PEX11G: variants seen among roughly 807,000 people sequenced by gnomAD.
The protein encoded by PEX11G is peroxisomal membrane protein 11C.
Under a neutral mutation model 22.5 loss-of-function variants are expected in PEX11G, and 20 were observed. The ratio of observed to expected loss-of-function variants is 0.89; its 90% confidence interval spans 0.62 to 1.29. PEX11G has a LOEUF of 1.29. Ranked by LOEUF, PEX11G falls within the 50% of genes most tolerant of loss-of-function variation. The pLI, the probability that PEX11G is intolerant of heterozygous loss-of-function variation, is 0.00. For synonymous variants in PEX11G, 141 were observed against 154.5 expected, an observed-to-expected ratio of 0.91 and a Z score of 0.65; for missense variants, 347 against 331.3, an observed-to-expected ratio of 1.05 and a Z score of -0.37.
At chr19:7,484,121 G>A (rs949581691) in intron 2 of PEX11G, among the ~76,000 whole-genome samples, 37 of 152,080 alleles carry the variant, frequency 2.4e-4, no homozygotes, top group South Asian at 1.5e-3. Flanking sequence ...TTTGGGAGGC[G>A]GGGCAGGTGG....
At chr19:7,491,344 AC>A (rs2021886950), upstream of PEX11G, among the ~76,000 whole-genome samples, 1 of 139,356 alleles carries the variant, frequency 7.2e-6, no homozygotes, top group Non-Finnish European at 1.5e-5. Flanking sequence ...ATCTCAGCTC[AC>A]GGCAGCCTCC....
At chr19:7,493,902 G>A (rs1469262425), upstream of PEX11G, among the ~76,000 whole-genome samples, 1 of 149,900 alleles carries the variant, frequency 6.7e-6, no homozygotes, top group Non-Finnish European at 1.5e-5. Context: ...CCAGTGGGGG[G>A]GTCACTCTTT....
intron 1 of PEX11G, 143 bp downstream of exon 1, chr19:7,488,808 G>A: frequency 2.4e-6 from 2 of 822,046 alleles, no homozygotes; most frequent in South Asian, 2.9e-5. Context: ...TCCAATGCTA[G>A]GGCACCGCAT....
At chr19:7,480,171 G>A (rs902142441) in intron 3 of PEX11G, among the ~76,000 whole-genome samples, 6 of 152,158 alleles carry the variant, frequency 3.9e-5, no homozygotes, top group Admixed American at 3.3e-4. Context: ...AGAAGGCTGA[G>A]GTGGGAGTAT....
Position 7,482,209 on chromosome 19 carries a change from C to T in PEX11G, c.252G>A (p.Glu84=). The T allele has an allele frequency of 6.4e-7, 1 of 1,561,024 alleles. No individual in the cohort carries two copies. Among genetic ancestry groups the T allele is most frequent in the South Asian group, 1.2e-5 (1 of 84,840 alleles). The change falls in exon 3 of 5, where the codon GAG becomes GAA. Residue 84 remains glutamate (E), a splice_region_variant and synonymous_variant. Transcript: ENST00000221480. ...YTKQYGLGAQ[E]EDAFVRCVSV... ...AGACACAGCGGACAAAGGCGTCCTCCTCCTGCAGGACCAGGAGCAGAGGGG... is the reference window on the plus strand; with the variant it reads ...AGACACAGCGGACAAAGGCGTCCTCTTCCTGCAGGACCAGGAGCAGAGGGG...
chr19:7,485,780 TA>T, intron 2 of PEX11G, 57 bp downstream of exon 2: 2 of 1,454,950 alleles, frequency 1.4e-6, no homozygotes, highest in Non-Finnish European at 1.8e-6. Flanking sequence ...AAAAATTTTT[TA>T]AAAAATGTCC....
chr19:7,490,473 G>A (rs938053519), upstream of PEX11G, among the ~76,000 whole-genome samples: 2 of 147,050 alleles, frequency 1.4e-5, no homozygotes, highest in African/African-American at 2.5e-5. Flanking sequence ...ACAGGCGCCC[G>A]CCACCACGCC....
In PEX11G at chr19:7,489,006, G is replaced by T; in HGVS notation, c.5C>A (p.Ala2Glu). The T allele has an allele frequency of 1.9e-6, 3 of 1,539,250 alleles. No individual in the cohort carries two copies. The highest frequency in any genetic ancestry group is 2.6e-6 in the Non-Finnish European group (3 of 1,146,228). Residue 2 changes from alanine (A) to glutamate (E), a missense_variant, in exon 1 of 5, where the codon GCG becomes GAG. Transcript: ENST00000221480. ...CGCCGACGCCAGGCCGCTCAGCGAC[G>T]CCATGGCAACTCCGTGACGTCACCG... M[A>E]SLSGLASALE...
At chr19:7,485,690 C>T (rs961531901) in intron 2 of PEX11G, 148 bp downstream of exon 2, 16 of 691,690 alleles carry the variant, frequency 2.3e-5, no homozygotes, top group Admixed American at 5.2e-5. Flanking sequence ...TGGCTGGTCT[C>T]GAACTCCTGA....
upstream of PEX11G, among the ~76,000 whole-genome samples, chr19:7,492,357 G>T (rs927257488): frequency 6.6e-6 from 1 of 152,148 alleles, no homozygotes; most frequent in Non-Finnish European, 1.5e-5. Flanking sequence ...GATAGCCATC[G>T]TAGTAGGTGT....
At chr19:7,481,077 G>C (rs923762640) in intron 3 of PEX11G, among the ~76,000 whole-genome samples, 3 of 152,068 alleles carry the variant, frequency 2.0e-5, no homozygotes, top group Non-Finnish European at 4.4e-5. Context: ...ACAGGCCCTG[G>C]AGTTACTTCT....
Position 7,488,962 on chromosome 19 carries a change from G to A in PEX11G, c.49C>T (p.Arg17Trp), listed in dbSNP as rs776394459. 14 of 1,555,070 alleles carry A rather than the reference G, an allele frequency of 9.0e-6. No individual in the cohort carries two copies. The South Asian group carries it at 1.1e-4, about 12-fold the overall frequency. The change falls in exon 1 of 5, where the codon CGG (arginine) becomes TGG (tryptophan). Residue 17 changes from arginine to tryptophan, a missense_variant. By Grantham distance (101) the Arg-to-Trp change is moderately radical. Coordinates refer to ENST00000221480, the MANE Select transcript of PEX11G (RefSeq NM_080662.4). Reference sequence around the variant, plus strand: ...CGCCCCTGCCTCACCAGGCGGTCCCGGCCCCTGTACGACTCCAGCGCCGAC... The same window carrying A: ...CGCCCCTGCCTCACCAGGCGGTCCCAGCCCCTGTACGACTCCAGCGCCGAC... ...LASALESYRG[R>W]DRLIRVLGYC...
At chr19:7,482,315 C>A in intron 2 of PEX11G, 104 bp from the exon 3 acceptor site, 1 of 1,325,566 alleles carries the variant, frequency 7.5e-7, no homozygotes, top group Middle Eastern at 2.0e-4. Flanking sequence ...TGACCCCAGT[C>A]CCTGGGCCGT....
At chr19:7,488,858 C>G in intron 1 of PEX11G, 93 bp downstream of exon 1, 1 of 1,355,848 alleles carries the variant, frequency 7.4e-7, no homozygotes, top group Non-Finnish European at 1.0e-6. Flanking sequence ...ACGGAGTATC[C>G]TGGGCGACCC....
Position 7,477,341 on chromosome 19 carries a change from A to ACGGCGTTGGCCAGGT in PEX11G, c.572_586dup (p.Asp191_Ala195dup). 6.4e-7 allele frequency: 1 copy of ACGGCGTTGGCCAGGT among 1,560,208 alleles called. No homozygotes were observed. Among genetic ancestry groups the ACGGCGTTGGCCAGGT allele is most frequent in the Non-Finnish European group, 8.7e-7 (1 of 1,154,446 alleles). On this transcript the variant is annotated inframe_insertion, in exon 5 of 5. Transcript: ENST00000221480. ...CAGCACGCCCCGGGGCAGCCAGTGC[A>ACGGCGTTGGCCAGGT]CGGCGTTGGCCAGGTCGGCCAGGTT...
chr19:7,484,871 C>T (rs1041629179), intron 2 of PEX11G, among the ~76,000 whole-genome samples: 11 of 152,070 alleles, frequency 7.2e-5, no homozygotes, highest in African/African-American at 1.4e-4. Flanking sequence ...AAATTATATC[C>T]TCCTTTGGAA....
rs1033856863 is a variant in PEX11G, at chr19:7,477,748, G to A, written c.492-312C>T. Among the ~76,000 whole-genome samples, 70 of 152,252 alleles carry A rather than the reference G, an allele frequency of 4.6e-4. 1 individual carries two copies. Among genetic ancestry groups the A allele is most frequent in the Non-Finnish European group, 4.4e-5 (3 of 68,052 alleles). On this transcript the variant is annotated intron_variant, in intron 4 of 4. Coordinates refer to ENST00000221480, the MANE Select transcript of PEX11G (RefSeq NM_080662.4). ...CAAATGCACTTTGGGAGGTGTGGAGGGAAGGGGGAACCCCCAGGAGCGTGG... is the reference window on the plus strand; with the variant it reads ...CAAATGCACTTTGGGAGGTGTGGAGAGAAGGGGGAACCCCCAGGAGCGTGG...
chr19:7,483,414 G>GGGGA lies in PEX11G; in HGVS notation c.250-1207_250-1204dup, dbSNP rs140223257. 321 of 152,734 alleles carry GGGGA rather than the reference G, an allele frequency of 2.1e-3. 2 individuals carry two copies. The highest frequency in any genetic ancestry group is 7.4e-3 in the African/African-American group (309 of 41,564). The allele number at this position is 152,734 out of a possible 1,614,324, so 9.5% of individuals were successfully genotyped here. On this transcript the variant is annotated intron_variant, in intron 2 of 4. Transcript: ENST00000221480. ...AGCGGCAGGGTCCAGGCTAGACTCT[G>GGGGA]GGGAGGGGCAGAGGCTCACCAGGGC...
upstream of PEX11G, among the ~76,000 whole-genome samples, chr19:7,490,034 T>A (rs2021843786): frequency 6.6e-6 from 1 of 152,130 alleles, no homozygotes. Flanking sequence ...ATTTTTGTAT[T>A]TTTGGTAGAG....
Sources: gnomAD v4.1 joint callset for allele counts (sites outside exome capture counted in the v4.1 genomes callset) on GRCh38, gnomAD v4.1.1 for gene constraint, MANE v1.5 for transcripts, NCBI Gene and HGNC (gene_info 2026-07-23, HGNC 2026-07-21) for gene names.